The following PYGO1 variants were observed in gnomAD, a reference collection of about 807,000 sequenced individuals.
PYGO1 encodes pygopus family PHD finger 1.
Under a neutral mutation model 29.5 loss-of-function variants are expected in PYGO1, and 6 were observed. The ratio of observed to expected loss-of-function variants is 0.20; its 90% CI spans 0.11 to 0.40. PYGO1 has a LOEUF of 0.40. Ranked by LOEUF, PYGO1 falls within the 10% of genes least tolerant of loss-of-function variation. PYGO1 has a pLI of 1.00. For synonymous variants in PYGO1, 186 were observed against 180.5 expected, an observed-to-expected ratio of 1.03 and a Z score of -0.24; for missense variants, 515 against 514.9, an observed-to-expected ratio of 1.00 and a Z score of 0.00.
Position 55,540,661 on chromosome 15 carries a change from C to T in PYGO1, c.*5362G>A, listed in dbSNP as rs2058824948. ...TAGTATTACATAGTAATTTCCTTTG[C>T]CATAGGAATAAATGTTGGACAAAGT... On this transcript the variant is annotated 3_prime_UTR_variant, in exon 3 of 3. Coordinates refer to ENST00000563719, the MANE Select transcript of PYGO1 (RefSeq NM_001367806.1). The T allele has an allele frequency of 6.6e-6, 1 of 152,020 alleles. No individual in the cohort carries two copies. Among genetic ancestry groups the T allele is most frequent in the South Asian group, 2.1e-4 (1 of 4,826 alleles). The allele number at this position is 152,020 out of a possible 1,614,324, so 9.4% of individuals were successfully genotyped here. A position where few individuals can be genotyped will look rare whatever the true frequency, so the allele number is the denominator to read the frequency against.
chr15:55,583,709 T>C (rs2059034786), intron 1 of PYGO1, among the ~76,000 whole-genome samples: 1 of 152,124 alleles, frequency 6.6e-6, no homozygotes, highest in Non-Finnish European at 1.5e-5. Context: ...GTTCTCCATA[T>C]GTTGCCCAGG....
At chr15:55,584,879 T>C (rs1254282371) in intron 1 of PYGO1, among the ~76,000 whole-genome samples, 1 of 152,216 alleles carries the variant, frequency 6.6e-6, no homozygotes, top group Non-Finnish European at 1.5e-5. Flanking sequence ...GCTTCTGGTC[T>C]ACTCACACCT....
intron 1 of PYGO1, among the ~76,000 whole-genome samples, chr15:55,551,305 C>A (rs1040893418): frequency 5.9e-5 from 9 of 152,190 alleles, no homozygotes; most frequent in African/African-American, 2.2e-4. Context: ...TTTTCTTTAA[C>A]AGTTGTATTA....
At position 55,543,391 on chromosome 15, in the gene PYGO1, T is replaced by C. The variant is rs1340066439; in HGVS notation, c.*2632A>G. 6.6e-6 allele frequency: 1 copy of C among 152,194 alleles called. No individual in the cohort carries two copies. Among genetic ancestry groups the C allele is most frequent in the African/African-American group, 2.4e-5 (1 of 41,460 alleles). The allele number at this position is 152,194 out of a possible 1,614,324, so 9.4% of individuals were successfully genotyped here. ...AATTCAAACACATGAACGCTATTCA[T>C]CAGCTATGATTACAGTTTGGCTATG... On this transcript the variant is annotated 3_prime_UTR_variant, in exon 3 of 3. Coordinates refer to ENST00000563719, the MANE Select transcript of PYGO1 (RefSeq NM_001367806.1).
At chr15:55,555,881 T>C (rs917065587) in intron 1 of PYGO1, among the ~76,000 whole-genome samples, 4 of 151,898 alleles carry the variant, frequency 2.6e-5, no homozygotes, top group African/African-American at 9.7e-5. Flanking sequence ...GTTGCAATAC[T>C]AGTTTGTGAC....
At chr15:55,550,963 A>C (rs1370101863) in intron 1 of PYGO1, among the ~76,000 whole-genome samples, 2 of 152,188 alleles carry the variant, frequency 1.3e-5, no homozygotes, top group African/African-American at 4.8e-5. Flanking sequence ...CAGATCATCA[A>C]GCATTAGATT....
chr15:55,587,573 G>T (rs911849074), intron 1 of PYGO1, among the ~76,000 whole-genome samples: 1 of 151,882 alleles, frequency 6.6e-6, no homozygotes, highest in Non-Finnish European at 1.5e-5. Flanking sequence ...GGTGAGGAGG[G>T]GGTAAGAAAG....
chr15:55,562,880 G>GC (rs2058939050), intron 1 of PYGO1, among the ~76,000 whole-genome samples: 1 of 152,028 alleles, frequency 6.6e-6, no homozygotes, highest in African/African-American at 2.4e-5. Flanking sequence ...GCAAACTAAT[G>GC]CAAGAAAAGA....
chr15:55,548,180 C>A (rs188080101), intron 2 of PYGO1, among the ~76,000 whole-genome samples: 234 of 151,996 alleles, frequency 1.5e-3, no homozygotes, highest in African/African-American at 5.3e-3. Flanking sequence ...CCACCACACC[C>A]GGCTAATTTT....
chr15:55,587,375 TG>T (rs1278066536), intron 1 of PYGO1, among the ~76,000 whole-genome samples: 4 of 119,946 alleles, frequency 3.3e-5, no homozygotes, highest in South Asian at 2.7e-4. Flanking sequence ...TTTGCCGGGG[TG>T]GGGGGGCGAG....
intron 1 of PYGO1, among the ~76,000 whole-genome samples, chr15:55,584,603 A>G (rs961465917): frequency 2.0e-5 from 3 of 152,242 alleles, no homozygotes; most frequent in African/African-American, 7.2e-5. Flanking sequence ...AAGTAAAAGT[A>G]GTATGAGGGG....
intron 1 of PYGO1, among the ~76,000 whole-genome samples, chr15:55,571,544 C>T (rs549986558): frequency 4.6e-5 from 7 of 152,212 alleles, no homozygotes; most frequent in South Asian, 4.1e-4. Context: ...ATAAGTCTCA[C>T]GAGATCTGAC....
upstream of PYGO1, chr15:55,588,826 G>A (rs752639263): frequency 2.5e-6 from 4 of 1,613,934 alleles, no homozygotes; most frequent in Admixed American, 5.0e-5. Flanking sequence ...CTTTGTAAGC[G>A]GGAGCTGGAG....
At chr15:55,566,904 G>C (rs536891064) in intron 1 of PYGO1, among the ~76,000 whole-genome samples, 24 of 152,158 alleles carry the variant, frequency 1.6e-4, no homozygotes, top group African/African-American at 5.8e-4. Context: ...CTAATATTTT[G>C]TATTTTGAGT....
intron 1 of PYGO1, among the ~76,000 whole-genome samples, chr15:55,586,112 C>G (rs551904229): frequency 6.6e-6 from 1 of 152,168 alleles, no homozygotes; most frequent in African/African-American, 2.4e-5. Flanking sequence ...AATTTCTAGT[C>G]ACATTGAACA....
chr15:55,546,259 G>T lies in PYGO1; in HGVS notation c.1024C>A (p.Pro342Thr), dbSNP rs151028742. 1.1e-5 allele frequency: 17 copies of T among 1,614,046 alleles called. No individual in the cohort carries two copies. In the African/African-American group the frequency reaches 2.3e-4, roughly 22 times the overall value. The change falls in exon 3 of 3, where the codon CCT becomes ACT. Residue 342 changes from proline (P) to threonine (T), a missense_variant. Coordinates refer to ENST00000563719, the MANE Select transcript of PYGO1 (RefSeq NM_001367806.1). ...ACCTCGTTTGTACAAATTCCACAAGGATACACTGGGTCAGAAGACGAATGG... is the reference window on the plus strand; with the variant it reads ...ACCTCGTTTGTACAAATTCCACAAGTATACACTGGGTCAGAAGACGAATGG... Reference protein sequence around the residue: ...HGHSSSDPVYPCGICTNEVND... With the variant: ...HGHSSSDPVYTCGICTNEVND...
intron 1 of PYGO1, among the ~76,000 whole-genome samples, chr15:55,553,258 G>A (rs1416531221): frequency 6.6e-6 from 1 of 152,128 alleles, no homozygotes; most frequent in Non-Finnish European, 1.5e-5. Flanking sequence ...AGCCCCTGGG[G>A]AAAGGGGCAG....
chr15:55,559,220 C>T (rs1464050759), intron 1 of PYGO1, among the ~76,000 whole-genome samples: 2 of 152,114 alleles, frequency 1.3e-5, no homozygotes, highest in Non-Finnish European at 2.9e-5. Flanking sequence ...CCAACAGATA[C>T]ATGAAAAAAT....
At chr15:55,569,933 C>A (rs1459112665) in intron 1 of PYGO1, among the ~76,000 whole-genome samples, 2 of 152,194 alleles carry the variant, frequency 1.3e-5, no homozygotes, top group Non-Finnish European at 2.9e-5. Flanking sequence ...TTTAAAATGG[C>A]ATCCTGCTCT....
Sources: allele counts gnomAD v4.1 joint callset (sites outside exome capture counted in the v4.1 genomes callset), GRCh38; gene constraint gnomAD v4.1.1; transcripts MANE v1.5; gene names NCBI Gene and HGNC (gene_info 2026-07-23, HGNC 2026-07-21).